PIK3R2: variants seen among roughly 807,000 people sequenced by gnomAD.
The protein encoded by PIK3R2 is phosphoinositide-3-kinase regulatory subunit 2, also known as phosphatidylinositol 3-kinase regulatory subunit beta.
In PIK3R2, 40 loss-of-function variants were observed where a neutral mutation model predicts 78.5. The observed-to-expected ratio is 0.51, with a 90% CI of 0.40 to 0.66. The LOEUF is 0.66. PIK3R2 is among the 30% of genes least tolerant of loss of function. The probability of loss-of-function intolerance (pLI) is 0.00; values close to 1 mark genes in which losing one functional copy is unlikely to be tolerated. For missense variants in PIK3R2, 880 were observed against 1,026.6 expected, an observed-to-expected ratio of 0.86 and a Z score of 1.95; for synonymous variants, 473 against 457.7, an observed-to-expected ratio of 1.03 and a Z score of -0.43.
In PIK3R2 at chr19:18,168,661, TG is replaced by T; in HGVS notation, c.1809-61del. 7.2e-7 allele frequency: 1 copy of T among 1,385,948 alleles called. No individual in the cohort carries two copies. Among genetic ancestry groups the T allele is most frequent in the Non-Finnish European group, 1.0e-6 (1 of 975,698 alleles). The allele number at this position is 1,385,948 out of a possible 1,614,324, so 85.9% of individuals were successfully genotyped here. A position where few individuals can be genotyped will look rare whatever the true frequency, so the allele number is the denominator to read the frequency against. On this transcript the variant is annotated intron_variant, in intron 14 of 15. Coordinates refer to ENST00000222254, the MANE Select transcript of PIK3R2 (RefSeq NM_005027.4). This position sits in a 1 kb window ranked among gnomAD's most constrained non-coding sequence, Gnocchi z 4.1. ...AGGGAGGAAAAGTTGTCCAGGCAGC[TG>T]GGGAGCCTCGGAGGCTGGCAGGTGA...
Position 18,163,260 on chromosome 19 carries a change from C to T in PIK3R2, c.1291-3C>T, listed in dbSNP as rs1251632843. The stretch of plus-strand genomic sequence containing the variant: ...CTCCCCTCATTCCGCCACGTATCTC[C>T]AGGACCAGATTGTCAAGGAGGACAG... On this transcript the variant is annotated splice_region_variant and splice_polypyrimidine_tract_variant and intron_variant, in intron 10 of 15. Transcript: ENST00000222254. 3 of 1,614,110 alleles carry T rather than the reference C, an allele frequency of 1.9e-6. No homozygotes were observed. Among genetic ancestry groups the T allele is most frequent in the Non-Finnish European group, 2.5e-6 (3 of 1,180,022 alleles).
rs2147945171 is a variant in PIK3R2, at chr19:18,156,084, G to A, written c.205G>A (p.Asp69Asn). Reference protein sequence around the residue: ...GLNERTRQRGDFPGTYVEFLG... With the variant: ...GLNERTRQRGNFPGTYVEFLG... Reference sequence around the variant, plus strand: ...CAACGAGCGCACACGGCAGCGAGGTGACTTCCCTGGCACCTATGTGGAGTT... The same window carrying A: ...CAACGAGCGCACACGGCAGCGAGGTAACTTCCCTGGCACCTATGTGGAGTT... The change falls in exon 2 of 16, where the codon GAC (aspartate) becomes AAC (asparagine). Residue 69 changes from aspartate to asparagine, a missense_variant. By Grantham distance (23) the Asp-to-Asn change is conservative. Transcript: ENST00000222254. This position sits in a 1 kb window ranked among gnomAD's most constrained non-coding sequence, Gnocchi z 4.2. The A allele has an allele frequency of 1.3e-6, 2 of 1,560,778 alleles. No homozygotes were observed. The highest frequency in any genetic ancestry group is 1.7e-6 in the Non-Finnish European group (2 of 1,153,616).
At chr19:18,159,751 C>T (rs8113227) in intron 2 of PIK3R2, among the ~76,000 whole-genome samples, 139,800 of 151,940 alleles carry the variant, frequency 0.92, 64,360 homozygotes, top group Non-Finnish European at 0.95. Context: ...GGCCTGTTGA[C>T]TTATTTTTGA....
Position 18,155,455 on chromosome 19 carries a change from AGGTCGGCG to A in PIK3R2, c.-423-1_-417del. On this transcript the variant is annotated splice_acceptor_variant and 5_prime_UTR_variant, in exon 2 of 16. Transcript: ENST00000222254. LOFTEE classifies it low-confidence loss of function (5UTR_SPLICE). ...AACGCTGCCCTATCCCTGTCTCCCT[AGGTCGGCG>A]TCCTCAGCTGGCCGAGCATGGTGGC... The A allele has an allele frequency of 2.5e-6, 1 of 404,962 alleles. No individual in the cohort carries two copies. The highest frequency in any genetic ancestry group is 4.3e-5 in the Admixed American group (1 of 23,052). 25.1% of individuals were successfully genotyped at this position (404,962 alleles called of 1,614,324 possible).
At chr19:18,155,124 G>A (rs961183992) in intron 1 of PIK3R2, among the ~76,000 whole-genome samples, 1 of 151,318 alleles carries the variant, frequency 6.6e-6, no homozygotes, top group Non-Finnish European at 1.5e-5. Context: ...GCTTGAACCT[G>A]GGAGACAGGT....
chr19:18,154,947 C>CAA (rs2043661816), intron 1 of PIK3R2, among the ~76,000 whole-genome samples: 1 of 149,944 alleles, frequency 6.7e-6, no homozygotes, highest in Non-Finnish European at 1.5e-5. Context: ...GGCAAGGTGG[C>CAA]TCATGCCTGT....
intron 1 of PIK3R2, among the ~76,000 whole-genome samples, chr19:18,153,687 C>T (rs62123609): frequency 0.34 from 51,737 of 152,014 alleles, 9,301 homozygotes; most frequent in Middle Eastern, 0.41. Context: ...GTGGCCGGGT[C>T]CACGCAGACC....
At position 18,167,109 on chromosome 19, in the gene PIK3R2, G is replaced by T. The variant is rs750460446; in HGVS notation, c.1560-21G>T. 19 of 1,541,294 alleles carry T rather than the reference G, an allele frequency of 1.2e-5. No homozygotes were observed. In the African/African-American group the frequency reaches 2.6e-4, roughly 21 times the overall value. On this transcript the variant is annotated intron_variant, in intron 12 of 15. Transcript: ENST00000222254. This position sits in a 1 kb window ranked among gnomAD's most constrained non-coding sequence, Gnocchi z 4.5. ...CGAGATAAAACCCTGAGGTCTCTGC[G>T]CCACCCCACCCCTCCCACAGGATCC...
rs952832862 is a variant in PIK3R2, at chr19:18,167,964, C to T, written c.1737-511C>T. On this transcript the variant is annotated intron_variant, in intron 13 of 15. Coordinates refer to ENST00000222254, the MANE Select transcript of PIK3R2 (RefSeq NM_005027.4). The surrounding 1 kb of genome is among the most constrained non-coding windows in gnomAD (Gnocchi z 4.5). ...TTCAAATCAGTTCAAATCCTGCCCC[C>T]ACCCACCAACCTCCTGAAGACCTCA... Among the ~76,000 whole-genome samples, 2 of 152,222 alleles carry T rather than the reference C, an allele frequency of 1.3e-5. No individual in the cohort carries two copies. The highest frequency in any genetic ancestry group is 2.1e-4 in the South Asian group (1 of 4,832).
intron 8 of PIK3R2, 44 bp downstream of exon 8, chr19:18,162,354 G>A: frequency 1.3e-6 from 2 of 1,594,320 alleles, no homozygotes; most frequent in Non-Finnish European, 1.7e-6. Flanking sequence ...GGTGTCACAG[G>A]GTGAGCGGGG....
intron 2 of PIK3R2, among the ~76,000 whole-genome samples, chr19:18,159,739 C>T (rs1167327048): frequency 6.6e-6 from 1 of 151,698 alleles, no homozygotes; most frequent in Non-Finnish European, 1.5e-5. Flanking sequence ...GCCACCGCAC[C>T]CGGCCTGTTG....
In PIK3R2 at chr19:18,168,906, C is replaced by T. The variant is rs2147960063; in HGVS notation, c.1979+10C>T. 5 of 1,609,120 alleles carry T rather than the reference C, an allele frequency of 3.1e-6. No individual in the cohort carries two copies. Among genetic ancestry groups the T allele is most frequent in the Non-Finnish European group, 4.2e-6 (5 of 1,177,772 alleles). ...ACGCCTGCTCCGTGGTGTGAGTGGA[C>T]CGCAGCGGTGGGGATTCCCGCGTCC... On this transcript the variant is annotated intron_variant, in intron 15 of 15. Transcript: ENST00000222254. The surrounding 1 kb of genome is among the most constrained non-coding windows in gnomAD (Gnocchi z 4.1).
chr19:18,167,280 G>A lies in PIK3R2; in HGVS notation c.1710G>A (p.Leu570=), dbSNP rs2147957922. ...GCCTCAAGCCGGACCTCATGCAGCT[G>A]CGCAAGATCCGAGACCAGTACCTCG... ...MNSLKPDLMQ[L]RKIRDQYLVW... Residue 570 remains leucine (L), a synonymous_variant, in exon 13 of 16, where the codon CTG becomes CTA. Coordinates refer to ENST00000222254, the MANE Select transcript of PIK3R2 (RefSeq NM_005027.4). This position sits in a 1 kb window ranked among gnomAD's most constrained non-coding sequence, Gnocchi z 4.5. The A allele has an allele frequency of 1.2e-6, 2 of 1,605,572 alleles. No individual in the cohort carries two copies. The highest frequency in any genetic ancestry group is 1.3e-5 in the African/African-American group (1 of 74,474).
rs748211099 is a variant in PIK3R2, at chr19:18,166,176, G to A, written c.1433G>A (p.Arg478His). Residue 478 changes from arginine (R) to histidine (H), a missense_variant, in exon 12 of 16, where the codon CGT (arginine) becomes CAT (histidine). By Grantham distance (29) the Arg-to-His change is conservative (BLOSUM62 0). This residue lies in a region of PIK3R2 where 156 missense variants were observed against 241.0 expected (regional missense o/e 0.65). Coordinates refer to ENST00000222254, the MANE Select transcript of PIK3R2 (RefSeq NM_005027.4). The stretch of plus-strand genomic sequence containing the variant: ...CTCCTCCAGGAGCTGCAGATGAAGC[G>A]TACTGCAATTGAGGCCTTCAATGAG... ...TRTSQELQMKRTAIEAFNETI... is the reference protein window; with the variant it reads ...TRTSQELQMKHTAIEAFNETI... 20 of 1,613,872 alleles carry A rather than the reference G, an allele frequency of 1.2e-5. No homozygotes were observed. The highest frequency in any genetic ancestry group is 1.7e-4 in the Middle Eastern group (1 of 6,034).
intron 10 of PIK3R2, 23 bp downstream of exon 10, chr19:18,163,170 G>A (rs1860380505): frequency 1.2e-6 from 2 of 1,613,654 alleles, no homozygotes; most frequent in African/African-American, 2.7e-5. Context: ...CTGGGAGCCA[G>A]GGAGGGTAGC....
rs2043731500 is a variant in PIK3R2, at chr19:18,160,579, G to C, written c.415+16G>C. The C allele has an allele frequency of 6.3e-7, 1 of 1,589,472 alleles. No homozygotes were observed. Among genetic ancestry groups the C allele is most frequent in the Admixed American group, 1.7e-5 (1 of 59,678 alleles). On this transcript the variant is annotated intron_variant, in intron 3 of 15. Transcript: ENST00000222254. ...GAAAGGACAGGTAAGTTCCAGCCTG[G>C]CTGCAGCCCCTGGATTCTGCTTGCT...
rs777607793 is a variant in PIK3R2 at position 18,167,150 on chromosome 19, G to T, written c.1580G>T (p.Arg527Leu). 3.1e-6 allele frequency: 5 copies of T among 1,593,832 alleles called. No individual in the cohort carries two copies. The South Asian group carries it at 5.6e-5, about 18-fold the overall frequency. ...CACAGGATCCTGCTGAACTCCGAGC[G>T]GCTCAAGTCCCGCATTGCCGAGATC... ...EMQRILLNSE[R>L]LKSRIAEIHE... The change falls in exon 13 of 16, where the codon CGG becomes CTG. Residue 527 changes from arginine (R) to leucine (L), a missense_variant. Arg to Leu is a moderately radical substitution (Grantham distance 102). Around this residue, in one of 3 missense-constraint regions of PIK3R2, gnomAD observed 268 missense variants for 299.1 expected, o/e 0.90. Coordinates refer to ENST00000222254, the MANE Select transcript of PIK3R2 (RefSeq NM_005027.4). This position sits in a 1 kb window ranked among gnomAD's most constrained non-coding sequence, Gnocchi z 4.5.
Position 18,167,218 on chromosome 19 carries a change from G to A in PIK3R2, c.1648G>A (p.Ala550Thr), listed in dbSNP as rs2147957727. 1 of 1,612,076 alleles carries A rather than the reference G, an allele frequency of 6.2e-7. No individual in the cohort carries two copies. Among genetic ancestry groups the A allele is most frequent in the Non-Finnish European group, 8.5e-7 (1 of 1,179,230 alleles). ...TKLEQQLRAQ[A>T]SDNREIDKRM... Reference sequence around the variant, plus strand: ...GCTGGAGCAGCAGCTGCGGGCCCAGGCCTCGGACAACAGAGAGATCGACAA... The same window carrying A: ...GCTGGAGCAGCAGCTGCGGGCCCAGACCTCGGACAACAGAGAGATCGACAA... Residue 550 changes from alanine (A) to threonine (T), a missense_variant, in exon 13 of 16, where the codon GCC becomes ACC. By Grantham distance (58) the Ala-to-Thr change is moderately conservative. This residue lies in a region of PIK3R2 where 268 missense variants were observed against 299.1 expected (regional missense o/e 0.90). Transcript: ENST00000222254. The surrounding 1 kb of genome is among the most constrained non-coding windows in gnomAD (Gnocchi z 4.5).
chr19:18,168,302 A>AC lies in PIK3R2; in HGVS notation c.1737-170dup, dbSNP rs34428876. On this transcript the variant is annotated intron_variant, in intron 13 of 15. Coordinates refer to ENST00000222254, the MANE Select transcript of PIK3R2 (RefSeq NM_005027.4). The surrounding 1 kb of genome is among the most constrained non-coding windows in gnomAD (Gnocchi z 4.1). ...GTTCCCCAGCAGAGCTGGGCGAGCCACCCTGGGTTCAGGCTGCCCTGAGCC... is the reference window on the plus strand; with the variant it reads ...GTTCCCCAGCAGAGCTGGGCGAGCCACCCCTGGGTTCAGGCTGCCCTGAGCC... Among the ~76,000 whole-genome samples, 2 of 152,230 alleles carry AC rather than the reference A, an allele frequency of 1.3e-5. No individual in the cohort carries two copies. The highest frequency in any genetic ancestry group is 4.8e-5 in the African/African-American group (2 of 41,534).
Sources: gnomAD v4.1 joint callset for allele counts (sites outside exome capture counted in the v4.1 genomes callset) on GRCh38, gnomAD v4.1.1 for gene constraint, gnomAD v4.1.1 regional missense constraint, Gnocchi (gnomAD v3.1) non-coding constraint, MANE v1.5 for transcripts, NCBI Gene and HGNC (gene_info 2026-07-23, HGNC 2026-07-21) for gene names.